The following CEP128 variants were observed in gnomAD, a reference collection of about 807,000 sequenced individuals.
CEP128 encodes the protein centrosomal protein 128.
CEP128 carries 132 observed loss-of-function variants against 156.7 expected under a neutral mutation model. The observed-to-expected ratio is 0.84, with a 90% CI of 0.73 to 0.97. The LOEUF is 0.97. Ranked by LOEUF, CEP128 falls within the 50% of genes least tolerant of loss-of-function variation. The probability of loss-of-function intolerance (pLI) is 0.00; values close to 1 mark genes in which losing one functional copy is unlikely to be tolerated. For missense variants in CEP128, 1,252 were observed against 1,281.9 expected (o/e 0.98, Z 0.36); for synonymous variants, 469 against 448.9 (o/e 1.04, Z -0.57).
intron 13 of CEP128, among the ~76,000 whole-genome samples, chr14:80,801,115 T>C (rs1883819082): frequency 6.6e-6 from 1 of 152,206 alleles, no homozygotes; most frequent in South Asian, 2.1e-4. Flanking sequence ...TCAGCTTGCT[T>C]ATGAGTTCAA....
chr14:80,891,913 A>T (rs1889119912), intron 8 of CEP128, among the ~76,000 whole-genome samples: 1 of 152,036 alleles, frequency 6.6e-6, no homozygotes, highest in South Asian at 2.1e-4. Flanking sequence ...GAAATTGAAG[A>T]CAAAATAATG....
intron 21 of CEP128, among the ~76,000 whole-genome samples, chr14:80,541,317 A>G (rs1427872292): frequency 1.3e-5 from 2 of 152,066 alleles, no homozygotes; most frequent in Non-Finnish European, 2.9e-5. Flanking sequence ...AAGATTTTAT[A>G]AAGAAAAAGC....
At chr14:80,813,303 G>T (rs1884666320) in intron 13 of CEP128, among the ~76,000 whole-genome samples, 2 of 152,064 alleles carry the variant, frequency 1.3e-5, no homozygotes, top group South Asian at 4.1e-4. Flanking sequence ...TTACGTACAT[G>T]ATTGCATTTC....
intron 19 of CEP128, among the ~76,000 whole-genome samples, chr14:80,633,751 G>T (rs931487279): frequency 6.6e-6 from 1 of 152,072 alleles, no homozygotes; most frequent in African/African-American, 2.4e-5. Context: ...CTCATTGTCT[G>T]GTTCAAACCA....
intron 13 of CEP128, among the ~76,000 whole-genome samples, chr14:80,820,034 A>G (rs1158575161): frequency 6.6e-6 from 1 of 152,200 alleles, no homozygotes; most frequent in East Asian, 1.9e-4. Context: ...TGTGTCTACT[A>G]TTCTCTTAAA....
chr14:80,729,393 T>TATAC (rs1236018916), intron 19 of CEP128, among the ~76,000 whole-genome samples: 2 of 151,678 alleles, frequency 1.3e-5, no homozygotes, highest in African/African-American at 4.8e-5. Context: ...TATATATATA[T>TATAC]ACCACATTTT....
rs564991771 is a variant in CEP128 at position 80,545,885 on chromosome 14, T to C, written c.2880+13394A>G. ...ACCATAGTTGTACATTACAATCATC[T>C]GGCAAGCTTTAAAAAATACTGGGTC... On this transcript the variant is annotated intron_variant, in intron 21 of 24. Transcript: ENST00000555265. Among the ~76,000 whole-genome samples the C allele has an allele frequency of 2.4e-4, 37 of 152,338 alleles. No homozygotes were observed. The South Asian group carries it at 7.5e-3, about 31-fold the overall frequency.
At chr14:80,680,582 C>T (rs1340225612) in intron 19 of CEP128, among the ~76,000 whole-genome samples, 1 of 152,142 alleles carries the variant, frequency 6.6e-6, no homozygotes, top group African/African-American at 2.4e-5. Flanking sequence ...CCAGGATTAG[C>T]AGCTTGAACT....
At chr14:80,909,371 T>TCACACACACACACACACA (rs36082524) in intron 4 of CEP128, among the ~76,000 whole-genome samples, 239 of 142,418 alleles carry the variant, frequency 1.7e-3, no homozygotes, top group African/African-American at 6.0e-3. Flanking sequence ...AAGTGAATTT[T>TCACACACACACACACACA]CACACACACA....
intron 6 of CEP128, 128 bp from the exon 7 acceptor site, chr14:80,900,157 G>A: frequency 3.5e-6 from 2 of 573,954 alleles, no homozygotes; most frequent in Non-Finnish European, 5.8e-6. Flanking sequence ...TATTATGAAA[G>A]AAAACACCTA....
At chr14:80,925,727 A>C (rs1336932638) in intron 2 of CEP128, among the ~76,000 whole-genome samples, 1 of 152,180 alleles carries the variant, frequency 6.6e-6, no homozygotes, top group Non-Finnish European at 1.5e-5. Context: ...AACTTAAAAA[A>C]CACTGAAAGA....
At chr14:80,590,630 G>A (rs1029232744) in intron 19 of CEP128, among the ~76,000 whole-genome samples, 3 of 151,280 alleles carry the variant, frequency 2.0e-5, no homozygotes, top group Admixed American at 2.0e-4. Flanking sequence ...GGACATAAGA[G>A]AAAGAATATT....
intron 19 of CEP128, among the ~76,000 whole-genome samples, chr14:80,676,762 G>A (rs1387441952): frequency 2.0e-5 from 3 of 152,074 alleles, no homozygotes; most frequent in Admixed American, 1.3e-4. Context: ...TTAATCAGAT[G>A]TTTTATGCAA....
rs117506539 is a variant in CEP128, at chr14:80,713,043, C to T, written c.2806+30032G>A. Among the ~76,000 whole-genome samples the T allele has an allele frequency of 6.4e-4, 97 of 152,230 alleles. No individual in the cohort carries two copies. In the East Asian group the frequency reaches 0.012, roughly 19 times the overall value. On this transcript the variant is annotated intron_variant, in intron 19 of 24. Transcript: ENST00000555265. Reference sequence around the variant, plus strand: ...TCATATCATAGACAATCAAGATAGACACAAGCAGACTACCAAGTTGAATAG... The same window carrying T: ...TCATATCATAGACAATCAAGATAGATACAAGCAGACTACCAAGTTGAATAG...
chr14:80,526,998 AGCAAAGGGTCTGAACTGGTAGATG>A lies in CEP128; in HGVS notation c.2959-40_2959-17del. 7.4e-7 allele frequency: 1 copy of A among 1,348,148 alleles called. No individual in the cohort carries two copies. Among genetic ancestry groups the A allele is most frequent in the Non-Finnish European group, 1.0e-6 (1 of 952,790 alleles). The allele number at this position is 1,348,148 out of a possible 1,614,324, so 83.5% of individuals were successfully genotyped here. A position where few individuals can be genotyped will look rare whatever the true frequency, so the allele number is the denominator to read the frequency against. On this transcript the variant is annotated splice_polypyrimidine_tract_variant and intron_variant, in intron 22 of 24. Transcript: ENST00000555265. ...TGCAGGAATCCTGGAAAAAAAAAAA[AGCAAAGGGTCTGAACTGGTAGATG>A]AAAGAAAATCAGTGCTTGAAATTAG...
intron 19 of CEP128, among the ~76,000 whole-genome samples, chr14:80,591,481 T>TA (rs1595056349): frequency 1.3e-5 from 2 of 152,076 alleles, no homozygotes; most frequent in East Asian, 3.9e-4. Context: ...ATGTACCCAA[T>TA]ATAGGAGCAC....
At chr14:80,802,330 A>G (rs1883917420) in intron 13 of CEP128, among the ~76,000 whole-genome samples, 1 of 152,208 alleles carries the variant, frequency 6.6e-6, no homozygotes, top group Admixed American at 6.5e-5. Context: ...AATATGGTAT[A>G]TATACATCAT....
At chr14:80,835,963 A>G (rs1256855800) in intron 12 of CEP128, among the ~76,000 whole-genome samples, 1 of 152,220 alleles carries the variant, frequency 6.6e-6, no homozygotes, top group Admixed American at 6.5e-5. Flanking sequence ...TCTTTCTAAG[A>G]GAAAGCCCCA....
chr14:80,628,824 T>G (rs1473607331), intron 19 of CEP128, among the ~76,000 whole-genome samples: 1 of 134,426 alleles, frequency 7.4e-6, no homozygotes, highest in African/African-American at 3.2e-5. Flanking sequence ...TGTGAGCCTA[T>G]AGCTCACATA....
Sources: gnomAD v4.1 joint callset for allele counts (sites outside exome capture counted in the v4.1 genomes callset) on GRCh38, gnomAD v4.1.1 for gene constraint, MANE v1.5 for transcripts, NCBI Gene and HGNC (gene_info 2026-07-23, HGNC 2026-07-21) for gene names.